The following PRMT3 variants were observed in gnomAD, a reference collection of about 807,000 sequenced individuals.
The protein encoded by PRMT3 is protein arginine N-methyltransferase 3.
A neutral mutation model predicts 71.9 loss-of-function variants in PRMT3; 62 were observed. The observed-to-expected ratio is 0.86, with a 90% CI of 0.70 to 1.07. PRMT3 has a LOEUF of 1.07. Ranked by LOEUF, PRMT3 falls within the 50% of genes least tolerant of loss-of-function variation. The probability of loss-of-function intolerance (pLI) is 0.00; values close to 1 mark genes in which losing one functional copy is unlikely to be tolerated. For missense variants in PRMT3, 663 were observed against 643.0 expected (o/e 1.03, Z -0.34); for synonymous variants, 213 against 220.4 (o/e 0.97, Z 0.30).
intron 13 of PRMT3, among the ~76,000 whole-genome samples, chr11:20,485,915 T>C (rs1312859996): frequency 6.6e-6 from 1 of 152,254 alleles, no homozygotes; most frequent in East Asian, 1.9e-4. Context: ...CGCAAATGTT[T>C]ATAGCAGCAT....
chr11:20,388,469 G>T (rs990483585), intron 2 of PRMT3, among the ~76,000 whole-genome samples: 1 of 152,202 alleles, frequency 6.6e-6, no homozygotes, highest in Non-Finnish European at 1.5e-5. Flanking sequence ...TCCAAGTCAG[G>T]GATGGGGTCT....
chr11:20,387,836 C>A lies in PRMT3; in HGVS notation c.28+62C>A, dbSNP rs1002991242. ...GCCCCAGGCCGCGCCGCTGTGGGGC[C>A]GGTGGAAGACCCTCCGGGACACGGG... On this transcript the variant is annotated intron_variant, in intron 1 of 15. Coordinates refer to ENST00000331079, the MANE Select transcript of PRMT3 (RefSeq NM_005788.4). The surrounding 1 kb of genome is among the most constrained non-coding windows in gnomAD (Gnocchi z 4.3). The A allele has an allele frequency of 1.7e-5, 26 of 1,536,740 alleles. No individual in the cohort carries two copies. Among genetic ancestry groups the A allele is most frequent in the Non-Finnish European group, 2.3e-5 (26 of 1,143,054 alleles).
chr11:20,470,158 T>G (rs1185543473), intron 13 of PRMT3, among the ~76,000 whole-genome samples: 1 of 152,206 alleles, frequency 6.6e-6, no homozygotes, highest in Non-Finnish European at 1.5e-5. Context: ...GTTACTGTAT[T>G]TACAACTATA....
intron 15 of PRMT3, among the ~76,000 whole-genome samples, chr11:20,507,236 C>G (rs1216603065): frequency 1.3e-5 from 2 of 152,168 alleles, no homozygotes; most frequent in Non-Finnish European, 2.9e-5. Context: ...GTGCTCACCT[C>G]CAGCACACTT....
chr11:20,422,856 C>T (rs931196113), intron 9 of PRMT3, among the ~76,000 whole-genome samples: 2 of 152,134 alleles, frequency 1.3e-5, no homozygotes, highest in Non-Finnish European at 2.9e-5. Flanking sequence ...AAGGTACAGG[C>T]AATCAGGGGA....
intron 10 of PRMT3, among the ~76,000 whole-genome samples, chr11:20,427,962 A>T (rs1389455102): frequency 6.6e-6 from 1 of 152,232 alleles, no homozygotes; most frequent in Admixed American, 6.5e-5. Flanking sequence ...TCCTAGTGAA[A>T]TAGATGTTTC....
At position 20,426,860 on chromosome 11, in the gene PRMT3, T is replaced by A. The variant is rs1366589074; in HGVS notation, c.988T>A (p.Trp330Arg). The change falls in exon 10 of 16, where the codon TGG (tryptophan) becomes AGG (arginine). Residue 330 changes from tryptophan (W) to arginine (R), a missense_variant. Coordinates refer to ENST00000331079, the MANE Select transcript of PRMT3 (RefSeq NM_005788.4). ...VEKVDVIISE[W>R]MGYFLLFESM... ...AAAAGTAGATGTTATCATATCTGAG[T>A]GGATGGTGAGTGTTTATAGAAAAAA... is the stretch of plus-strand genomic sequence containing the variant. 1 of 1,529,834 alleles carries A rather than the reference T, an allele frequency of 6.5e-7. No homozygotes were observed. Among genetic ancestry groups the A allele is most frequent in the African/African-American group, 1.4e-5 (1 of 69,092 alleles). 94.8% of individuals were successfully genotyped at this position (1,529,834 alleles called of 1,614,324 possible). A position where few individuals can be genotyped will look rare whatever the true frequency, so the allele number is the denominator to read the frequency against.
At chr11:20,412,971 T>A (rs1033327816) in intron 9 of PRMT3, among the ~76,000 whole-genome samples, 1 of 152,164 alleles carries the variant, frequency 6.6e-6, no homozygotes, top group Non-Finnish European at 1.5e-5. Flanking sequence ...CCAGGCAGCC[T>A]GACTCCATAG....
intron 13 of PRMT3, among the ~76,000 whole-genome samples, chr11:20,486,214 A>G (rs1175732799): frequency 6.6e-6 from 1 of 152,204 alleles, no homozygotes; most frequent in Non-Finnish European, 1.5e-5. Flanking sequence ...GGGGGAAATG[A>G]AATGTTTTTA....
intron 8 of PRMT3, 77 bp from the exon 9 acceptor site, chr11:20,407,834 A>C (rs1849104839): frequency 7.3e-7 from 1 of 1,365,370 alleles, no homozygotes; most frequent in Non-Finnish European, 1.0e-6. Flanking sequence ...GAAACATCAT[A>C]ATATATGAAT....
chr11:20,428,671 T>G (rs927543213), intron 10 of PRMT3, among the ~76,000 whole-genome samples: 1 of 152,210 alleles, frequency 6.6e-6, no homozygotes, highest in South Asian at 2.1e-4. Context: ...CCTTCTGCTT[T>G]CTTCTGTACC....
At chr11:20,433,267 C>T (rs1849692629) in intron 10 of PRMT3, among the ~76,000 whole-genome samples, 1 of 152,088 alleles carries the variant, frequency 6.6e-6, no homozygotes, top group Non-Finnish European at 1.5e-5. Context: ...CGTGAGTTCT[C>T]ATCATTTAGC....
intron 9 of PRMT3, among the ~76,000 whole-genome samples, chr11:20,412,406 C>A (rs1466988382): frequency 1.3e-5 from 2 of 150,072 alleles, no homozygotes; most frequent in African/African-American, 2.4e-5. Context: ...AACCCCCCCC[C>A]CACCTTTGTT....
intron 13 of PRMT3, among the ~76,000 whole-genome samples, chr11:20,486,589 C>T (rs1160450378): frequency 1.3e-5 from 2 of 152,010 alleles, no homozygotes; most frequent in African/African-American, 4.8e-5. Context: ...CATGTATGCC[C>T]TGTATTAGCC....
intron 9 of PRMT3, among the ~76,000 whole-genome samples, chr11:20,417,036 C>T (rs568449967): frequency 6.6e-6 from 1 of 152,304 alleles, no homozygotes; most frequent in East Asian, 1.9e-4. Flanking sequence ...TTGTAAACCT[C>T]TTGACTCCAA....
intron 10 of PRMT3, among the ~76,000 whole-genome samples, chr11:20,429,891 T>C (rs1477532160): frequency 3.3e-5 from 5 of 152,230 alleles, no homozygotes; most frequent in Admixed American, 1.3e-4. Flanking sequence ...ATTGGAAATA[T>C]CATTTATGGT....
intron 13 of PRMT3, among the ~76,000 whole-genome samples, chr11:20,470,064 C>A (rs933437972): frequency 8.5e-5 from 13 of 152,100 alleles, no homozygotes; most frequent in Non-Finnish European, 1.5e-4. Context: ...AATATACTTA[C>A]AAAAACCTAG....
At chr11:20,390,510 T>G (rs1353488035) in intron 3 of PRMT3, among the ~76,000 whole-genome samples, 3 of 152,248 alleles carry the variant, frequency 2.0e-5, no homozygotes, top group Non-Finnish European at 4.4e-5. Flanking sequence ...CTTCACAGCC[T>G]ACGAGACTGA....
intron 9 of PRMT3, among the ~76,000 whole-genome samples, chr11:20,408,271 T>C (rs1849117078): frequency 6.6e-6 from 1 of 152,018 alleles, no homozygotes; most frequent in South Asian, 2.1e-4. Context: ...ATTTCTGGCT[T>C]TCTGACTATG....
Sources: gnomAD v4.1 joint callset for allele counts (sites outside exome capture counted in the v4.1 genomes callset) on GRCh38, gnomAD v4.1.1 for gene constraint, Gnocchi (gnomAD v3.1) non-coding constraint, MANE v1.5 for transcripts, NCBI Gene and HGNC (gene_info 2026-07-23, HGNC 2026-07-21) for gene names.